KCNIP4: variants seen among roughly 807,000 people sequenced by gnomAD.
The protein encoded by KCNIP4 is potassium voltage-gated channel interacting protein 4.
In KCNIP4, 12 loss-of-function variants were observed where a neutral mutation model predicts 34.0. The observed-to-expected ratio is 0.35, with a 90% CI of 0.23 to 0.57. The LOEUF (loss-of-function observed/expected upper bound fraction) is 0.57, where lower values mean the gene tolerates loss of function less well. Ranked by LOEUF, KCNIP4 falls within the 20% of genes least tolerant of loss-of-function variation. The pLI, the probability that KCNIP4 is intolerant of heterozygous loss-of-function variation, is 0.83. For missense variants in KCNIP4, 238 were observed against 311.7 expected, an observed-to-expected ratio of 0.76 and a Z score of 1.78; for synonymous variants, 124 against 102.2, an observed-to-expected ratio of 1.21 and a Z score of -1.29.
At chr4:21,937,855 CCTG>C (rs1223768860) in intron 1 of KCNIP4, among the ~76,000 whole-genome samples, 1 of 152,056 alleles carries the variant, frequency 6.6e-6, no homozygotes, top group African/African-American at 2.4e-5. Flanking sequence ...CAAGTCTCTG[CCTG>C]CTGTTTTACT....
At chr4:21,687,392 A>G (rs1007773020) in intron 1 of KCNIP4, among the ~76,000 whole-genome samples, 6 of 151,982 alleles carry the variant, frequency 3.9e-5, no homozygotes, top group African/African-American at 1.4e-4. Context: ...AGAAATAGGC[A>G]GGAGATGGTG....
chr4:21,813,842 A>G (rs1300898517), intron 1 of KCNIP4, among the ~76,000 whole-genome samples: 1 of 152,190 alleles, frequency 6.6e-6, no homozygotes, highest in Non-Finnish European at 1.5e-5. Context: ...CAAAAACAGA[A>G]AAGCTCCCTG....
chr4:21,418,354 G>A lies in KCNIP4; in HGVS notation c.61+530217C>T, dbSNP rs533932405. Among the ~76,000 whole-genome samples, 24 of 152,230 alleles carry A rather than the reference G, an allele frequency of 1.6e-4. No individual in the cohort carries two copies. In the East Asian group the frequency reaches 2.5e-3, roughly 16 times the overall value. ...ATTAAAAAAGGAACCCCAGTTAGTT[G>A]GGCATGATGGCAAAAGCCTATAGTC... On this transcript the variant is annotated intron_variant, in intron 1 of 8. Transcript: ENST00000382152.
At chr4:20,970,781 G>A (rs185006235) in intron 1 of KCNIP4, among the ~76,000 whole-genome samples, 1 of 152,326 alleles carries the variant, frequency 6.6e-6, no homozygotes, top group East Asian at 1.9e-4. Flanking sequence ...CAAATTCTGA[G>A]TAGCCTATTG....
intron 1 of KCNIP4, among the ~76,000 whole-genome samples, chr4:20,920,676 T>C (rs1168943241): frequency 2.6e-5 from 4 of 152,076 alleles, no homozygotes; most frequent in Non-Finnish European, 5.9e-5. Flanking sequence ...AGAATGACAA[T>C]GATCCACTTG....
At chr4:21,805,945 T>C (rs995576451) in intron 1 of KCNIP4, among the ~76,000 whole-genome samples, 3 of 152,216 alleles carry the variant, frequency 2.0e-5, no homozygotes, top group African/African-American at 7.2e-5. Context: ...ATGAAATGAA[T>C]GTGTCAAGAA....
At chr4:21,493,877 A>G (rs1424530425) in intron 1 of KCNIP4, among the ~76,000 whole-genome samples, 3 of 152,140 alleles carry the variant, frequency 2.0e-5, no homozygotes, top group African/African-American at 7.2e-5. Context: ...CTCTAGGGGG[A>G]TTGTCTGGTG....
intron 1 of KCNIP4, among the ~76,000 whole-genome samples, chr4:21,484,707 C>T (rs1731762493): frequency 6.6e-6 from 1 of 152,176 alleles, no homozygotes; most frequent in Admixed American, 6.5e-5. Flanking sequence ...GCCACTTTCT[C>T]TAGAAAGTCT....
intron 1 of KCNIP4, among the ~76,000 whole-genome samples, chr4:21,294,902 G>T (rs1162064502): frequency 6.6e-6 from 1 of 152,160 alleles, no homozygotes; most frequent in Non-Finnish European, 1.5e-5. Context: ...TGAGGGAGAA[G>T]GAACTACTCA....
At chr4:21,441,122 G>T (rs1472460086) in intron 1 of KCNIP4, among the ~76,000 whole-genome samples, 1 of 147,464 alleles carries the variant, frequency 6.8e-6, no homozygotes, top group Non-Finnish European at 1.5e-5. Flanking sequence ...ATCTGCCCTT[G>T]TTTATGACAC....
intron 1 of KCNIP4, among the ~76,000 whole-genome samples, chr4:21,791,391 A>C (rs2109233874): frequency 6.6e-6 from 1 of 152,328 alleles, no homozygotes; most frequent in Non-Finnish European, 1.5e-5. Context: ...ATTGCGGGGC[A>C]GAAGGTAGAG....
At chr4:21,097,452 C>T (rs1747564705) in intron 1 of KCNIP4, among the ~76,000 whole-genome samples, 1 of 152,062 alleles carries the variant, frequency 6.6e-6, no homozygotes, top group African/African-American at 2.4e-5. Flanking sequence ...CTGCATGGAG[C>T]AAGTCTATAG....
intron 1 of KCNIP4, among the ~76,000 whole-genome samples, chr4:21,703,229 A>G (rs2109065226): frequency 6.6e-6 from 1 of 152,324 alleles, no homozygotes; most frequent in Admixed American, 6.5e-5. Context: ...TATTCAACAT[A>G]GTGTTGGAAG....
chr4:21,494,082 T>A (rs1233662061), intron 1 of KCNIP4, among the ~76,000 whole-genome samples: 3 of 152,184 alleles, frequency 2.0e-5, no homozygotes, highest in Non-Finnish European at 4.4e-5. Context: ...TCAGGTTTAA[T>A]CACATGGCAA....
intron 1 of KCNIP4, among the ~76,000 whole-genome samples, chr4:20,970,400 G>C (rs1460486333): frequency 6.6e-6 from 1 of 152,034 alleles, no homozygotes. Context: ...TCAGTGCTTT[G>C]ATGTTTTCAA....
chr4:21,430,381 T>C (rs924583550), intron 1 of KCNIP4, among the ~76,000 whole-genome samples: 9 of 151,632 alleles, frequency 5.9e-5, no homozygotes, highest in East Asian at 2.0e-4. Context: ...ATCAGTGGTA[T>C]TCTATTAGCA....
chr4:20,965,128 G>A (rs751429102), intron 1 of KCNIP4, among the ~76,000 whole-genome samples: 1 of 152,132 alleles, frequency 6.6e-6, no homozygotes, highest in African/African-American at 2.4e-5. Context: ...TAAGTGTGAA[G>A]ATAGTCCTCA....
chr4:21,320,204 T>C (rs1714222053), intron 1 of KCNIP4, among the ~76,000 whole-genome samples: 1 of 152,202 alleles, frequency 6.6e-6, no homozygotes, highest in Non-Finnish European at 1.5e-5. Flanking sequence ...GATAAGCAAG[T>C]TATCTTCAAG....
chr4:21,613,952 G>A (rs1458481628), intron 1 of KCNIP4, among the ~76,000 whole-genome samples: 1 of 151,440 alleles, frequency 6.6e-6, no homozygotes, highest in Non-Finnish European at 1.5e-5. Flanking sequence ...CAAGCAGCCT[G>A]GCCAAATGGT....
Sources: gnomAD v4.1 joint callset for allele counts (sites outside exome capture counted in the v4.1 genomes callset) on GRCh38, gnomAD v4.1.1 for gene constraint, MANE v1.5 for transcripts, NCBI Gene and HGNC (gene_info 2026-07-23, HGNC 2026-07-21) for gene names.